The following CERS4 variants were observed in gnomAD, a reference collection of about 807,000 sequenced individuals.
CERS4 encodes LAG1 homolog, ceramide synthase 4.
CERS4 carries 65 observed loss-of-function variants against 51.8 expected under a neutral mutation model. The ratio of observed to expected loss-of-function variants is 1.26; its 90% confidence interval spans 1.03 to 1.54. CERS4 has a LOEUF of 1.54. Ranked by LOEUF, CERS4 falls within the 40% of genes most tolerant of loss-of-function variation. CERS4 has a pLI of 0.00. For synonymous variants in CERS4, 228 were observed against 208.4 expected, an observed-to-expected ratio of 1.09 and a Z score of -0.81; for missense variants, 563 against 500.4, an observed-to-expected ratio of 1.13 and a Z score of -1.19.
At chr19:8,256,346 A>T (rs1012822651) in intron 7 of CERS4, 60 bp downstream of exon 7, 122 of 1,582,290 alleles carry the variant, frequency 7.7e-5, no homozygotes, top group Non-Finnish European at 1.0e-4. Flanking sequence ...CAGTTGCTGC[A>T]GCCATGGGCA....
chr19:8,237,091 C>A (rs1599548725), intron 2 of CERS4, among the ~76,000 whole-genome samples: 1 of 146,930 alleles, frequency 6.8e-6, no homozygotes, highest in South Asian at 2.2e-4. Context: ...GCTGTTAGTT[C>A]TCTCACAGTT....
chr19:8,221,116 T>G (rs1365221197), intron 2 of CERS4, among the ~76,000 whole-genome samples: 1 of 151,336 alleles, frequency 6.6e-6, no homozygotes, highest in East Asian at 1.9e-4. Context: ...TGAGCCACTG[T>G]GCCCGGCCTG....
chr19:8,228,661 GC>G (rs1967884301), intron 2 of CERS4, among the ~76,000 whole-genome samples: 1 of 148,924 alleles, frequency 6.7e-6, no homozygotes. Flanking sequence ...GGCAACAAGA[GC>G]AAAACTCCGT....
chr19:8,237,616 T>C (rs567783404), intron 2 of CERS4, among the ~76,000 whole-genome samples: 19 of 151,922 alleles, frequency 1.3e-4, no homozygotes, highest in Non-Finnish European at 2.5e-4. Context: ...TTTGGGAGGC[T>C]GAGGTGGGTG....
At chr19:8,240,383 AG>A (rs1450898475) in intron 2 of CERS4, 1 of 152,154 alleles carries the variant, frequency 6.6e-6, no homozygotes, top group Non-Finnish European at 1.5e-5. Context: ...ACCTCTGCTC[AG>A]AGAGGCTCAG....
intron 10 of CERS4, among the ~76,000 whole-genome samples, chr19:8,259,407 A>T (rs1163492335): frequency 6.6e-6 from 1 of 151,958 alleles, no homozygotes; most frequent in Admixed American, 6.6e-5. Context: ...TAGGCAGGAG[A>T]TGGAGTAGGC....
chr19:8,256,473 C>A, intron 7 of CERS4, 145 bp from the exon 8 acceptor site: 5 of 959,686 alleles, frequency 5.2e-6, no homozygotes, highest in South Asian at 4.9e-5. Context: ...CAAACCACTG[C>A]CCTTGATTAC....
chr19:8,243,904 G>A (rs543051240), intron 2 of CERS4, among the ~76,000 whole-genome samples: 1 of 152,116 alleles, frequency 6.6e-6, no homozygotes, highest in Admixed American at 6.6e-5. Context: ...CCTGAAATCA[G>A]CTCATCCATT....
rs766530639 is a variant in CERS4 at position 8,261,862 on chromosome 19, C to CG, written c.1005+23dup. The CG allele has an allele frequency of 6.2e-6, 10 of 1,613,762 alleles. No homozygotes were observed. In the Admixed American group the frequency reaches 1.7e-4, roughly 27 times the overall value. Reference sequence around the variant, plus strand: ...AGGGCCAGGTATGGCTGGACCTCCCCGGGGGCCCCAGCCCTAAGCTCCTCC... The same window carrying CG: ...AGGGCCAGGTATGGCTGGACCTCCCCGGGGGGCCCCAGCCCTAAGCTCCTCC... On this transcript the variant is annotated intron_variant, in intron 11 of 11. Transcript: ENST00000251363.
At chr19:8,225,494 G>T (rs983828568) in intron 2 of CERS4, among the ~76,000 whole-genome samples, 2 of 150,550 alleles carry the variant, frequency 1.3e-5, no homozygotes, top group African/African-American at 4.9e-5. Context: ...AGCGATCTCG[G>T]CTAACTGCAA....
chr19:8,256,093 G>A lies in CERS4; in HGVS notation c.469-143G>A, dbSNP rs575522205. 53 of 1,011,414 alleles carry A rather than the reference G, an allele frequency of 5.2e-5. No individual in the cohort carries two copies. The African/African-American group carries it at 6.6e-4, about 13-fold the overall frequency. 62.7% of individuals were successfully genotyped at this position (1,011,414 alleles called of 1,614,324 possible). A position where few individuals can be genotyped will look rare whatever the true frequency, so the allele number is the denominator to read the frequency against. On this transcript the variant is annotated intron_variant, in intron 6 of 11. Transcript: ENST00000251363. ...GGTTCTGCAGTGAATGAGCCCCCCA[G>A]TCGAGAGTGAGAAGCAGGAAAAAGC...
chr19:8,246,767 A>G (rs1055392573), intron 2 of CERS4, among the ~76,000 whole-genome samples: 12 of 152,212 alleles, frequency 7.9e-5, no homozygotes, highest in Middle Eastern at 3.4e-3. Flanking sequence ...TGGGTGATGG[A>G]ATAAACAGAA....
intron 3 of CERS4, among the ~76,000 whole-genome samples, 157 bp from the exon 4 acceptor site, chr19:8,254,342 A>AAAAAAAAAG (rs57613908): frequency 6.7e-6 from 1 of 148,770 alleles, no homozygotes; most frequent in African/African-American, 2.5e-5. Context: ...AAAAAAAAAA[A>AAAAAAAAAG]GTCTTACACA....
Position 8,255,735 on chromosome 19 carries a change from G to C in CERS4, c.410+10G>C. On this transcript the variant is annotated intron_variant, in intron 5 of 11. Transcript: ENST00000251363. ...AGTTCTGTGAGGCCAGGTAAGCCCA[G>C]GATGGGGCTTCTGGGGTGCAGGGAA... 1 of 1,612,450 alleles carries C rather than the reference G, an allele frequency of 6.2e-7. No homozygotes were observed. The highest frequency in any genetic ancestry group is 1.1e-5 in the South Asian group (1 of 90,914).
chr19:8,223,973 G>A (rs560233875), intron 2 of CERS4, among the ~76,000 whole-genome samples: 1 of 150,798 alleles, frequency 6.6e-6, no homozygotes, highest in South Asian at 2.1e-4. Context: ...ATCATGGTGC[G>A]TGTCTGTAGT....
chr19:8,235,658 T>A (rs1428507538), intron 2 of CERS4, among the ~76,000 whole-genome samples: 1 of 136,676 alleles, frequency 7.3e-6, no homozygotes, highest in Non-Finnish European at 1.6e-5. Flanking sequence ...GATGCCGAGG[T>A]GGGAGGATTG....
chr19:8,217,995 C>T (rs1415506305), intron 2 of CERS4, among the ~76,000 whole-genome samples: 1 of 152,008 alleles, frequency 6.6e-6, no homozygotes, highest in African/African-American at 2.4e-5. Context: ...GACAGAGTCT[C>T]ACTCTGTCGC....
intron 8 of CERS4, 23 bp from the exon 9 acceptor site, chr19:8,256,926 C>G: frequency 6.2e-7 from 1 of 1,614,058 alleles, no homozygotes; most frequent in South Asian, 1.1e-5. Context: ...CTCGTCCCCA[C>G]TATGACCCAC....
chr19:8,220,084 G>C (rs192467003), intron 2 of CERS4, among the ~76,000 whole-genome samples: 161 of 152,012 alleles, frequency 1.1e-3, no homozygotes, highest in African/African-American at 3.7e-3. Flanking sequence ...CTCGGATGAT[G>C]CCATCTTAGA....
Sources: gnomAD v4.1 joint callset for allele counts (sites outside exome capture counted in the v4.1 genomes callset) on GRCh38, gnomAD v4.1.1 for gene constraint, MANE v1.5 for transcripts, NCBI Gene and HGNC (gene_info 2026-07-23, HGNC 2026-07-21) for gene names.